The following PCDHGA2 variants were observed in gnomAD, a reference collection of about 807,000 sequenced individuals.
PCDHGA2 encodes protocadherin gamma-A2.
Under a neutral mutation model 59.2 loss-of-function variants are expected in PCDHGA2, and 40 were observed. The observed-to-expected ratio is 0.68, with a 90% CI of 0.52 to 0.88. The LOEUF (loss-of-function observed/expected upper bound fraction) is 0.88, where lower values mean the gene tolerates loss of function less well. PCDHGA2 is among the 40% of genes least tolerant of loss of function. PCDHGA2 has a pLI of 0.00. For missense variants in PCDHGA2, 1,226 were observed against 1,204.0 expected (o/e 1.02, Z -0.27); for synonymous variants, 560 against 526.0 (o/e 1.06, Z -0.89).
chr5:141,406,732 G>A (rs1190275382), intron 1 of PCDHGA2, among the ~76,000 whole-genome samples: 1 of 152,142 alleles, frequency 6.6e-6, no homozygotes, highest in Non-Finnish European at 1.5e-5. Context: ...TCTAAGACTG[G>A]ACACTGTGAA....
intron 1 of PCDHGA2, chr5:141,424,664 A>T (rs923488035): frequency 6.6e-6 from 1 of 152,124 alleles, no homozygotes; most frequent in African/African-American, 2.4e-5. Flanking sequence ...CTTTAATTAA[A>T]CTGATTTAGC....
chr5:141,365,321 G>A lies in PCDHGA2; in HGVS notation c.2424+23926G>A, dbSNP rs552296703. On this transcript the variant is annotated intron_variant, in intron 1 of 3. Coordinates refer to ENST00000394576, the MANE Select transcript of PCDHGA2 (RefSeq NM_018915.4). ...GGATGGAGGCGCTCTTGTTGCCAGC[G>A]CTAAGGTGGTGGTCACAGTACAGGA... 3.1e-6 allele frequency: 5 copies of A among 1,613,828 alleles called. No homozygotes were observed. In the South Asian group the frequency reaches 4.4e-5, roughly 14 times the overall value.
Position 141,404,160 on chromosome 5 carries a change from G to A in PCDHGA2, c.2424+62765G>A, listed in dbSNP as rs1308529085. On this transcript the variant is annotated intron_variant, in intron 1 of 3. Coordinates refer to ENST00000394576, the MANE Select transcript of PCDHGA2 (RefSeq NM_018915.4). The stretch of plus-strand genomic sequence containing the variant: ...GAAAATTCAGAAGAAGATTATTACA[G>A]ATTGTTGACGGCCCAAATTCTTGAC... The A allele has an allele frequency of 3.1e-6, 5 of 1,613,054 alleles. No homozygotes were observed. In the Admixed American group the frequency reaches 6.7e-5, roughly 22 times the overall value.
intron 1 of PCDHGA2, chr5:141,345,922 G>T (rs1465495058): frequency 1.2e-6 from 2 of 1,613,412 alleles, no homozygotes; most frequent in Non-Finnish European, 1.7e-6. Flanking sequence ...CGCACGGCGC[G>T]AGCCCTGCTG....
At chr5:141,385,196 G>A (rs760255338) in intron 1 of PCDHGA2, 3 of 1,614,230 alleles carry the variant, frequency 1.9e-6, no homozygotes, top group Non-Finnish European at 2.5e-6. Context: ...TCTCGGAAGA[G>A]TCACCTGATC....
intron 2 of PCDHGA2, among the ~76,000 whole-genome samples, chr5:141,503,393 G>A (rs954734829): frequency 2.0e-5 from 3 of 151,824 alleles, no homozygotes; most frequent in African/African-American, 4.8e-5. Flanking sequence ...TCAGGAGTTC[G>A]AAACCAACCT....
chr5:141,478,774 G>T (rs1019315910), intron 1 of PCDHGA2: 1 of 1,496,268 alleles, frequency 6.7e-7, no homozygotes, highest in African/African-American at 1.4e-5. Flanking sequence ...ACTCATCTGT[G>T]GACCTAATTC....
intron 1 of PCDHGA2, among the ~76,000 whole-genome samples, chr5:141,472,792 C>A (rs2099297177): frequency 6.6e-6 from 1 of 151,698 alleles, no homozygotes; most frequent in African/African-American, 2.4e-5. Context: ...TCAAGATCAG[C>A]CTGACCAACA....
intron 1 of PCDHGA2, chr5:141,404,452 T>G (rs1197188094): frequency 2.5e-6 from 4 of 1,613,228 alleles, no homozygotes; most frequent in Non-Finnish European, 3.4e-6. Context: ...AAGGGTCTCC[T>G]CTCTCCACCT....
At chr5:141,371,542 T>A in intron 1 of PCDHGA2, 1 of 1,613,786 alleles carries the variant, frequency 6.2e-7, no homozygotes, top group Non-Finnish European at 8.5e-7. Flanking sequence ...GGAGAAATCC[T>A]ATGCCAACTA....
At chr5:141,344,043 T>C in intron 1 of PCDHGA2, 2 of 1,553,824 alleles carry the variant, frequency 1.3e-6, no homozygotes, top group Non-Finnish European at 1.7e-6. Context: ...AATGACCAAT[T>C]GCCTGAGTTT....
At chr5:141,472,003 A>T (rs1450802255) in intron 1 of PCDHGA2, among the ~76,000 whole-genome samples, 1 of 152,176 alleles carries the variant, frequency 6.6e-6, no homozygotes, top group Non-Finnish European at 1.5e-5. Context: ...CCTGCATCGT[A>T]TAGGGGCACT....
At chr5:141,408,702 T>C (rs769871063) in intron 1 of PCDHGA2, 6 of 1,613,208 alleles carry the variant, frequency 3.7e-6, no homozygotes, top group South Asian at 3.3e-5. Flanking sequence ...ATAAACTCAA[T>C]TAAAGATTAT....
chr5:141,471,717 C>T (rs1196344901), intron 1 of PCDHGA2, among the ~76,000 whole-genome samples: 1 of 152,022 alleles, frequency 6.6e-6, no homozygotes, highest in Non-Finnish European at 1.5e-5. Flanking sequence ...GTGCCACTTA[C>T]CAGGTAAGGA....
chr5:141,371,532 G>A lies in PCDHGA2; in HGVS notation c.2424+30137G>A. ...ACATGATCTAGATTCTGGATTTAAT[G>A]GAGAAATCCTATGCCAACTAAAAGG... On this transcript the variant is annotated intron_variant, in intron 1 of 3. Transcript: ENST00000394576. The A allele has an allele frequency of 6.2e-7, 1 of 1,613,660 alleles. No individual in the cohort carries two copies. Among genetic ancestry groups the A allele is most frequent in the Non-Finnish European group, 8.5e-7 (1 of 1,179,684 alleles).
intron 1 of PCDHGA2, among the ~76,000 whole-genome samples, chr5:141,402,436 A>G (rs1441746239): frequency 2.6e-5 from 4 of 152,178 alleles, no homozygotes; most frequent in African/African-American, 9.6e-5. Flanking sequence ...GCATCATAAA[A>G]AGGAAATTAT....
chr5:141,363,913 T>C (rs2149851693), intron 1 of PCDHGA2, among the ~76,000 whole-genome samples: 1 of 152,252 alleles, frequency 6.6e-6, no homozygotes, highest in East Asian at 1.9e-4. Context: ...AAATAAAATT[T>C]TTGTAAGGTA....
intron 1 of PCDHGA2, chr5:141,392,507 T>TC (rs2092547058): frequency 4.3e-6 from 1 of 231,946 alleles, no homozygotes; most frequent in East Asian, 8.6e-5. Context: ...GATTTTTTTT[T>TC]CTCAGTAATC....
chr5:141,366,595 C>T, intron 1 of PCDHGA2: 1 of 1,614,264 alleles, frequency 6.2e-7, no homozygotes, highest in Non-Finnish European at 8.5e-7. Flanking sequence ...CCTATTCCCA[C>T]GAGGTCTCCC....
Sources: allele counts gnomAD v4.1 joint callset (sites outside exome capture counted in the v4.1 genomes callset), GRCh38; gene constraint gnomAD v4.1.1; transcripts MANE v1.5; gene names NCBI Gene and HGNC (gene_info 2026-07-23, HGNC 2026-07-21).